RAB9B: variants seen among roughly 807,000 people sequenced by gnomAD.
RAB9B encodes the protein ras-related protein Rab-9B.
A neutral mutation model predicts 8.9 loss-of-function variants in RAB9B; 1 was observed. The ratio of observed to expected loss-of-function variants is 0.11; its 90% CI spans 0.04 to 0.53. The LOEUF (loss-of-function observed/expected upper bound fraction) is 0.53. Ranked by LOEUF, RAB9B falls within the 20% of genes least tolerant of loss-of-function variation. RAB9B has a pLI of 0.93. For synonymous variants in RAB9B, 63 were observed against 57.0 expected (o/e 1.10, Z -0.47); for missense variants, 82 against 152.9 (o/e 0.54, Z 2.45).
chrX:103,807,498 T>G, the RAB9B span, among the ~76,000 whole-genome samples: 1 of 112,068 alleles, frequency 8.9e-6, no homozygotes, highest in Non-Finnish European at 1.9e-5. Flanking sequence ...CCCCCACTCC[T>G]CCCATAATAA....
At chrX:103,782,212 AC>A in the RAB9B span, among the ~76,000 whole-genome samples, 182 of 112,346 alleles carry the variant, frequency 1.6e-3, no homozygotes, top group African/African-American at 5.6e-3. Flanking sequence ...GAAGAGATGA[AC>A]ATCTGATGCT....
chrX:103,830,264 C>T (rs2074698197), intron 1 of RAB9B, among the ~76,000 whole-genome samples: 1 of 111,585 alleles, frequency 9.0e-6, no homozygotes, highest in South Asian at 3.9e-4. Flanking sequence ...TCCTTTAGTA[C>T]ATACTTAAAT....
the RAB9B span, among the ~76,000 whole-genome samples, chrX:103,779,464 A>G: frequency 3.0e-4 from 34 of 111,935 alleles, no homozygotes; most frequent in Non-Finnish European, 3.0e-4. Flanking sequence ...ATGCCCCAAG[A>G]ATACCAGGAG....
At chrX:103,801,684 T>A in the RAB9B span, among the ~76,000 whole-genome samples, 4 of 111,884 alleles carry the variant, frequency 3.6e-5, no homozygotes, top group Admixed American at 2.9e-4. Context: ...ACAGATAGGT[T>A]AACTGCGTTA....
the RAB9B span, among the ~76,000 whole-genome samples, chrX:103,782,399 G>A: frequency 1.8e-5 from 2 of 111,867 alleles, no homozygotes; most frequent in African/African-American, 6.5e-5. Context: ...AGAAAATAGA[G>A]GAAAAATGGA....
the RAB9B span, among the ~76,000 whole-genome samples, chrX:103,810,800 T>C: frequency 8.9e-6 from 1 of 112,091 alleles, no homozygotes; most frequent in South Asian, 3.7e-4. Context: ...GTATCAATCA[T>C]GCTTCTGCCA....
chrX:103,809,464 C>A, the RAB9B span, among the ~76,000 whole-genome samples: 1 of 111,851 alleles, frequency 8.9e-6, no homozygotes, highest in Non-Finnish European at 1.9e-5. Flanking sequence ...CCACACCCGG[C>A]TAATTTTGTA....
rs1254701064 is a variant in RAB9B at position 103,822,856 on chromosome X, G to C, written c.*2323C>G. The C allele has an allele frequency of 1.8e-5, 2 of 111,315 alleles. No homozygotes were observed. The highest frequency in any genetic ancestry group is 2.8e-4 in the East Asian group (1 of 3,541). 9.2% of individuals were successfully genotyped at this position (111,315 alleles called of 1,213,427 possible). On this transcript the variant is annotated 3_prime_UTR_variant, in exon 3 of 3. Transcript: ENST00000243298. ...CACTGTTTATGTCACTTAATGTTGA[G>C]TGCTTTCATTAAGATATTGAGTGGT...
At chrX:103,792,961 C>T in the RAB9B span, among the ~76,000 whole-genome samples, 2 of 112,251 alleles carry the variant, frequency 1.8e-5, no homozygotes, top group South Asian at 7.4e-4. Flanking sequence ...TTTTTCAATA[C>T]CTTAGTGGTG....
the RAB9B span, among the ~76,000 whole-genome samples, chrX:103,817,199 G>A: frequency 8.9e-6 from 1 of 112,061 alleles, no homozygotes; most frequent in Non-Finnish European, 1.9e-5. Flanking sequence ...ATCAATGATA[G>A]ACTGGATTAA....
chrX:103,829,587 C>T (rs971008425), intron 1 of RAB9B, among the ~76,000 whole-genome samples: 28 of 111,816 alleles, frequency 2.5e-4, no homozygotes, highest in African/African-American at 8.5e-4. Flanking sequence ...TGGTGTCTCC[C>T]CACTCAATCT....
chrX:103,791,132 C>T, the RAB9B span: 1 of 119,674 alleles, frequency 8.4e-6, no homozygotes, highest in African/African-American at 3.2e-5. Context: ...AGCGTTTGCC[C>T]AAATCTGCCT....
the RAB9B span, chrX:103,788,390 C>T: frequency 7.2e-6 from 7 of 972,070 alleles, no homozygotes; most frequent in Admixed American, 2.2e-5. Context: ...CATGTGGCCC[C>T]GTAACTCCAT....
chrX:103,815,090 G>A, the RAB9B span, among the ~76,000 whole-genome samples: 1 of 112,182 alleles, frequency 8.9e-6, no homozygotes, highest in East Asian at 2.8e-4. Flanking sequence ...CATTTTATGA[G>A]ACCAGCATCA....
the RAB9B span, among the ~76,000 whole-genome samples, chrX:103,784,208 G>A: frequency 9.0e-6 from 1 of 111,505 alleles, no homozygotes; most frequent in Non-Finnish European, 1.9e-5. Flanking sequence ...ACTGGCATAG[G>A]GCCTGGGATA....
downstream of RAB9B, among the ~76,000 whole-genome samples, chrX:103,817,979 A>T (rs370123465): frequency 1.7e-4 from 19 of 111,640 alleles, no homozygotes; most frequent in East Asian, 4.4e-3. Flanking sequence ...TCAGAACATA[A>T]CCTTTTCTAT....
chrX:103,814,083 A>C, the RAB9B span, among the ~76,000 whole-genome samples: 2 of 111,503 alleles, frequency 1.8e-5, no homozygotes. Flanking sequence ...TGGACCAAGC[A>C]GACCTAATAG....
rs1307030394 is a variant in RAB9B at position 103,825,671 on chromosome X, G to A, written c.114C>T (p.His38=). The A allele has an allele frequency of 4.1e-6, 5 of 1,208,844 alleles. No individual in the cohort carries two copies. The African/African-American group carries it at 7.0e-5, about 17-fold the overall frequency. Residue 38 remains histidine, a synonymous_variant, in exon 3 of 3, where the codon CAC becomes CAT. Transcript: ENST00000243298. The part of the protein sequence containing the change: ...VTNKFDSQAF[H]TIGVEFLNRD... Reference sequence around the variant, plus strand: ...GATTTAAGAACTCTACCCCTATGGTGTGAAAAGCCTGGGAGTCAAATTTGT... The same window carrying A: ...GATTTAAGAACTCTACCCCTATGGTATGAAAAGCCTGGGAGTCAAATTTGT...
chrX:103,818,223 C>A (rs1215797432), downstream of RAB9B, among the ~76,000 whole-genome samples: 2 of 111,364 alleles, frequency 1.8e-5, no homozygotes, highest in African/African-American at 6.5e-5. Context: ...CAATTACTCT[C>A]AAAAAATTAA....
Sources: gnomAD v4.1 joint callset for allele counts (sites outside exome capture counted in the v4.1 genomes callset) on GRCh38, gnomAD v4.1.1 for gene constraint, MANE v1.5 for transcripts, NCBI Gene and HGNC (gene_info 2026-07-23, HGNC 2026-07-21) for gene names.